IL1RAPL1: variants seen among roughly 807,000 people sequenced by gnomAD.
IL1RAPL1 encodes interleukin 1 receptor accessory protein like 1, also known as interleukin-1 receptor accessory protein-like 1.
In IL1RAPL1, 3 loss-of-function variants were observed where a neutral mutation model predicts 48.4. The ratio of observed to expected loss-of-function variants is 0.06; its 90% CI spans 0.03 to 0.16. The LOEUF is 0.16. Among genes scored for constraint, IL1RAPL1 ranks in the 10% least tolerant of loss-of-function variants. The pLI, the probability that IL1RAPL1 is intolerant of heterozygous loss-of-function variation, is 1.00. For missense variants in IL1RAPL1, 349 were observed against 530.6 expected, an observed-to-expected ratio of 0.66 and a Z score of 3.36; for synonymous variants, 185 against 187.7, an observed-to-expected ratio of 0.99 and a Z score of 0.12.
chrX:29,089,749 A>AAAATATATAT (rs1363357019), intron 2 of IL1RAPL1, among the ~76,000 whole-genome samples: 1 of 16,983 alleles, frequency 5.9e-5, no homozygotes, highest in Admixed American at 1.1e-3. Context: ...GAGAAATATG[A>AAAATATATAT]ATATATATAT....
chrX:29,941,878 G>C (rs377351095), intron 9 of IL1RAPL1, 84 bp downstream of exon 9: 1 of 879,968 alleles, frequency 1.1e-6, no homozygotes, highest in African/African-American at 2.0e-5. Flanking sequence ...AAAAAATTAC[G>C]TGCATAATCA....
intron 2 of IL1RAPL1, among the ~76,000 whole-genome samples, chrX:29,052,811 A>G (rs1019208638): frequency 9.0e-6 from 1 of 111,510 alleles, no homozygotes; most frequent in Non-Finnish European, 1.9e-5. Flanking sequence ...AGCTGGGATT[A>G]CAGGCACCTG....
intron 2 of IL1RAPL1, among the ~76,000 whole-genome samples, chrX:29,103,191 C>T (rs1235370300): frequency 9.0e-6 from 1 of 111,665 alleles, no homozygotes; most frequent in Non-Finnish European, 1.9e-5. Context: ...AAAGAATAAA[C>T]CTGGAAGAAG....
At chrX:29,318,095 A>C (rs1932776456) in intron 3 of IL1RAPL1, among the ~76,000 whole-genome samples, 1 of 112,381 alleles carries the variant, frequency 8.9e-6, no homozygotes, top group South Asian at 3.6e-4. Flanking sequence ...TGCTTGATTC[A>C]TAGAAAATGT....
intron 3 of IL1RAPL1, among the ~76,000 whole-genome samples, chrX:29,339,075 TACACACACACACACAC>T (rs758487838): frequency 7.6e-5 from 7 of 92,318 alleles, no homozygotes; most frequent in East Asian, 6.9e-4. Flanking sequence ...GCTGGGTAAA[TACACACACACACACAC>T]ACACACACAC....
chrX:29,350,297 G>A (rs1166085547), intron 3 of IL1RAPL1, among the ~76,000 whole-genome samples: 1 of 89,368 alleles, frequency 1.1e-5, no homozygotes, highest in Admixed American at 1.3e-4. Flanking sequence ...ACCAATGCCT[G>A]TTAATCATCT....
intron 1 of IL1RAPL1, among the ~76,000 whole-genome samples, chrX:28,662,253 A>G (rs918115827): frequency 9.0e-5 from 10 of 111,010 alleles, no homozygotes; most frequent in African/African-American, 2.9e-4. Flanking sequence ...ACTTTTCCCC[A>G]TAGATCACAG....
intron 1 of IL1RAPL1, among the ~76,000 whole-genome samples, chrX:28,758,753 G>T (rs946895483): frequency 9.0e-6 from 1 of 111,584 alleles, no homozygotes; most frequent in African/African-American, 3.3e-5. Context: ...TAAAAAAATT[G>T]TATCTTCCTT....
intron 2 of IL1RAPL1, among the ~76,000 whole-genome samples, chrX:29,241,911 A>T (rs1335958359): frequency 8.9e-6 from 1 of 111,913 alleles, no homozygotes; most frequent in Admixed American, 9.5e-5. Flanking sequence ...CACAAGGTGC[A>T]GTAAAAGTCA....
At chrX:29,002,001 T>C (rs916718889) in intron 2 of IL1RAPL1, among the ~76,000 whole-genome samples, 2 of 108,433 alleles carry the variant, frequency 1.8e-5, no homozygotes, top group Non-Finnish European at 3.8e-5. Flanking sequence ...GTTCAAGCAA[T>C]TCTCCTGCCT....
chrX:29,440,460 A>G (rs752699179), intron 5 of IL1RAPL1, among the ~76,000 whole-genome samples: 8 of 111,667 alleles, frequency 7.2e-5, no homozygotes, highest in Admixed American at 2.9e-4. Context: ...AACACAGACT[A>G]TTGAGCACAG....
intron 2 of IL1RAPL1, among the ~76,000 whole-genome samples, chrX:28,939,061 G>T (rs1468644211): frequency 1.8e-5 from 2 of 109,055 alleles, no homozygotes; most frequent in Non-Finnish European, 3.8e-5. Flanking sequence ...GTAGAGAAAA[G>T]AGAACACTTA....
chrX:28,815,066 G>A (rs900298942), intron 2 of IL1RAPL1, among the ~76,000 whole-genome samples: 4 of 109,312 alleles, frequency 3.7e-5, no homozygotes, highest in African/African-American at 1.0e-4. Flanking sequence ...ATTAAAATTA[G>A]CAGTTATATA....
At chrX:29,584,315 A>G (rs1270723541) in intron 5 of IL1RAPL1, among the ~76,000 whole-genome samples, 1 of 111,567 alleles carries the variant, frequency 9.0e-6, no homozygotes, top group East Asian at 2.8e-4. Context: ...AAACATACGA[A>G]CAGTCCATTG....
At chrX:29,109,815 C>T in intron 2 of IL1RAPL1, among the ~76,000 whole-genome samples, 1 of 112,121 alleles carries the variant, frequency 8.9e-6, no homozygotes, top group East Asian at 2.8e-4. Flanking sequence ...TATTTTGAAA[C>T]ACTGGCTTGG....
chrX:29,146,383 T>C (rs1412996904), intron 2 of IL1RAPL1, among the ~76,000 whole-genome samples: 2 of 111,159 alleles, frequency 1.8e-5, no homozygotes, highest in African/African-American at 6.5e-5. Context: ...CACTCTAAAA[T>C]TGCAAACTTA....
chrX:29,482,283 G>T (rs1935049388), intron 5 of IL1RAPL1, among the ~76,000 whole-genome samples: 1 of 111,459 alleles, frequency 9.0e-6, no homozygotes. Context: ...AAGACCTATT[G>T]TTCAGGTTCA....
chrX:29,452,707 T>G (rs1414706766), intron 5 of IL1RAPL1, among the ~76,000 whole-genome samples: 6 of 111,146 alleles, frequency 5.4e-5, no homozygotes, highest in Non-Finnish European at 1.1e-4. Flanking sequence ...ACATGCTCAA[T>G]AAATACTTTT....
intron 2 of IL1RAPL1, among the ~76,000 whole-genome samples, chrX:28,844,757 A>T (rs1569184548): frequency 9.0e-6 from 1 of 111,524 alleles, no homozygotes; most frequent in Non-Finnish European, 1.9e-5. Context: ...ATTTGTCTCT[A>T]TATTTTTATG....
Sources: allele counts gnomAD v4.1 joint callset (sites outside exome capture counted in the v4.1 genomes callset), GRCh38; gene constraint gnomAD v4.1.1; transcripts MANE v1.5; gene names NCBI Gene and HGNC (gene_info 2026-07-23, HGNC 2026-07-21).